Variants in NHLRC3 observed in about 807,000 individuals in gnomAD.
The protein encoded by NHLRC3 is NHL repeat-containing protein 3.
NHLRC3 carries 23 observed loss-of-function variants against 32.0 expected under a neutral mutation model. The observed-to-expected ratio is 0.72, with a 90% CI of 0.52 to 1.02. The LOEUF (loss-of-function observed/expected upper bound fraction) is 1.02, where lower values mean the gene tolerates loss of function less well. Among genes scored for constraint, NHLRC3 ranks in the 50% least tolerant of loss-of-function variants. The pLI, the probability that NHLRC3 is intolerant of heterozygous loss-of-function variation, is 0.00. For missense variants in NHLRC3, 407 were observed against 406.8 expected (o/e 1.00, Z -0.01); for synonymous variants, 159 against 147.9 (o/e 1.08, Z -0.55).
intron 1 of NHLRC3, 43 bp downstream of exon 1, chr13:39,038,766 G>A: frequency 6.6e-7 from 1 of 1,525,548 alleles, no homozygotes; most frequent in Non-Finnish European, 9.1e-7. Context: ...TGTGCGGGTA[G>A]CCCTGTTGGG....
chr13:39,039,648 C>T lies in NHLRC3; in HGVS notation c.322C>T (p.His108Tyr), dbSNP rs780824684. Residue 108 changes from histidine (H) to tyrosine (Y), a missense_variant, in exon 3 of 7, where the codon CAT (histidine) becomes TAT (tyrosine). His to Tyr is a moderately conservative substitution (Grantham distance 83, BLOSUM62 2). Transcript: ENST00000379600. ...RAWNYTVDTPHGIFAASTLYE... is the reference protein window; with the variant it reads ...RAWNYTVDTPYGIFAASTLYE... ...CTGGAATTATACAGTTGACACACCT[C>T]ATGGTATATTTGCAGCCAGTACTCT... The T allele has an allele frequency of 9.9e-6, 16 of 1,612,284 alleles. No homozygotes were observed. The highest frequency in any genetic ancestry group is 1.3e-5 in the African/African-American group (1 of 74,888).
Position 39,039,233 on chromosome 13 carries a change from GAAC to G in NHLRC3, c.187_189del (p.Thr63del), listed in dbSNP as rs1321576580. Reference sequence around the variant, plus strand: ...CCTAAGCACCCAGAATATTTTACCGGAACAACATTTTGTGTTGCAGTTGACTCC... The same window carrying G: ...CCTAAGCACCCAGAATATTTTACCGGAACATTTTGTGTTGCAGTTGACTCC... On this transcript the variant is annotated inframe_deletion, in exon 2 of 7. Coordinates refer to ENST00000379600, the MANE Select transcript of NHLRC3 (RefSeq NM_001012754.4). 2 of 1,613,896 alleles carry G rather than the reference GAAC, an allele frequency of 1.2e-6. No homozygotes were observed. The highest frequency in any genetic ancestry group is 2.2e-5 in the East Asian group (1 of 44,886).
chr13:39,047,727 T>C lies in NHLRC3; in HGVS notation c.845T>C (p.Leu282Pro). ...GTGGCCCAGCTGAATCTTAGCAGGC[T>C]CTCAGTCGTAGCAGCACCCCCAGTG... ...LIVAQLNLSR[L>P]SVVAAPPVGS... Residue 282 changes from leucine (L) to proline (P), a missense_variant, in exon 7 of 7, where the codon CTC becomes CCC. Physicochemically the swap from Leu to Pro is moderately conservative, Grantham distance 98 (BLOSUM62 -3). Transcript: ENST00000379600. The C allele has an allele frequency of 1.9e-6, 3 of 1,613,934 alleles. No homozygotes were observed. Among genetic ancestry groups the C allele is most frequent in the Non-Finnish European group, 2.5e-6 (3 of 1,179,820 alleles).
At chr13:39,047,003 G>T (rs1208241374) in intron 5 of NHLRC3, 37 bp from the exon 6 acceptor site, 4 of 1,224,550 alleles carry the variant, frequency 3.3e-6, no homozygotes, top group Admixed American at 1.8e-5. Flanking sequence ...TTCTTCTCAT[G>T]GATATTTTTC....
intron 3 of NHLRC3, chr13:39,041,665 T>C (rs1361139358): frequency 6.5e-6 from 1 of 154,814 alleles, no homozygotes; most frequent in Middle Eastern, 3.2e-3. Context: ...AGAACGTTTT[T>C]GTTGACTTAC....
chr13:39,048,033 C>A lies in NHLRC3; in HGVS notation c.*107C>A. The A allele has an allele frequency of 1.1e-6, 1 of 917,340 alleles. No individual in the cohort carries two copies. Among genetic ancestry groups the A allele is most frequent in the Non-Finnish European group, 1.6e-6 (1 of 611,048 alleles). The allele number at this position is 917,340 out of a possible 1,614,324, so 56.8% of individuals were successfully genotyped here. ...AATTTATTTTTCTAGTATAAAAGAT[C>A]TAGTATCAGAAAGATTTGTTTTTGT... On this transcript the variant is annotated 3_prime_UTR_variant, in exon 7 of 7. Coordinates refer to ENST00000379600, the MANE Select transcript of NHLRC3 (RefSeq NM_001012754.4).
rs370553701 is a variant in NHLRC3, at chr13:39,044,229, T to TTGTGTGTGTG, written c.678+78_678+87dup. On this transcript the variant is annotated intron_variant, in intron 5 of 6. Coordinates refer to ENST00000379600, the MANE Select transcript of NHLRC3 (RefSeq NM_001012754.4). ...TCTGGGACTTTGTGTCTGAATATGT[T>TTGTGTGTGTG]TGTGTGTGTGTGTGTGTGTGTGTGT... The TTGTGTGTGTG allele has an allele frequency of 1.1e-3, 977 of 859,020 alleles. 8 individuals carry two copies. In the African/African-American group the frequency reaches 0.017, roughly 15 times the overall value. 53.2% of individuals were successfully genotyped at this position (859,020 alleles called of 1,614,324 possible).
At position 39,047,908 on chromosome 13, in the gene NHLRC3, T is replaced by A. The variant is rs200840501; in HGVS notation, c.1026T>A (p.Val342=). 11 of 1,606,900 alleles carry A rather than the reference T, an allele frequency of 6.8e-6. No individual in the cohort carries two copies. Among genetic ancestry groups the A allele is most frequent in the Non-Finnish European group, 9.4e-6 (11 of 1,174,126 alleles). The change falls in exon 7 of 7, where the codon GTT becomes GTA. Residue 342 remains valine, a synonymous_variant. Transcript: ENST00000379600. ...AATATGTCCCTTTGAATAGCTATGT[T>A]CCTTCATTTGGTTCATAATGTTTCT... The part of the protein sequence containing the change: ...VQKYVPLNSY[V]PSFGS
chr13:39,040,204 A>T (rs1021787856), intron 3 of NHLRC3: 6 of 146,384 alleles, frequency 4.1e-5, no homozygotes, highest in Admixed American at 1.3e-4. Context: ...AAAAAAAAAA[A>T]GAAAGAAATT....
chr13:39,045,640 C>T (rs1370788670), intron 5 of NHLRC3, among the ~76,000 whole-genome samples: 2 of 152,202 alleles, frequency 1.3e-5, no homozygotes, highest in Non-Finnish European at 2.9e-5. Flanking sequence ...TGCTAACAAT[C>T]TAAAGTATCA....
At chr13:39,043,952 AGACAG>A (rs752519686) in intron 4 of NHLRC3, 133 bp from the exon 5 acceptor site, 3 of 689,360 alleles carry the variant, frequency 4.4e-6, no homozygotes, top group Non-Finnish European at 7.7e-6. Context: ...ATGGGCATAT[AGACAG>A]GAAAGCCGAG....
At chr13:39,043,775 G>A (rs1476090205) in intron 4 of NHLRC3, among the ~76,000 whole-genome samples, 1 of 152,130 alleles carries the variant, frequency 6.6e-6, no homozygotes, top group Non-Finnish European at 1.5e-5. Flanking sequence ...TCAAGTAACA[G>A]ATAAGTTGGG....
intron 1 of NHLRC3, 58 bp from the exon 2 acceptor site, chr13:39,039,078 C>CAGTTTTT: frequency 9.6e-7 from 1 of 1,038,066 alleles, no homozygotes. Flanking sequence ...CCCCCCCGCC[C>CAGTTTTT]TTTTTTTGTT....
chr13:39,038,818 T>A, intron 1 of NHLRC3, 95 bp downstream of exon 1: 1 of 1,017,956 alleles, frequency 9.8e-7, no homozygotes, highest in Non-Finnish European at 1.6e-6. Context: ...CAGGCCCTGG[T>A]TCCCTCAGTA....
chr13:39,039,178 A>C lies in NHLRC3; in HGVS notation c.127A>C (p.Lys43Gln). The C allele has an allele frequency of 6.2e-7, 1 of 1,613,784 alleles. No individual in the cohort carries two copies. Among genetic ancestry groups the C allele is most frequent in the Non-Finnish European group, 8.5e-7 (1 of 1,179,888 alleles). ...TTTTGCAGTTTCCTGGAGAACTGAG[A>C]AAATTCTTTACCGGCTGGATGTGGG... ...FTFAVSWRTE[K>Q]ILYRLDVGWP... The change falls in exon 2 of 7, where the codon AAA becomes CAA. Residue 43 changes from lysine (K) to glutamine (Q), a missense_variant. Physicochemically the swap from Lys to Gln is moderately conservative, Grantham distance 53 (BLOSUM62 1). Transcript: ENST00000379600.
chr13:39,046,782 T>C (rs1234588019), intron 5 of NHLRC3, among the ~76,000 whole-genome samples: 1 of 152,184 alleles, frequency 6.6e-6, no homozygotes, highest in East Asian at 1.9e-4. Flanking sequence ...TATTCACACA[T>C]TTAGAACAGT....
chr13:39,043,537 C>T (rs1246749410), intron 4 of NHLRC3, among the ~76,000 whole-genome samples: 3 of 152,100 alleles, frequency 2.0e-5, no homozygotes, highest in Non-Finnish European at 4.4e-5. Context: ...CCTTCTTTCT[C>T]TTAATAAGGA....
rs1473197547 is a variant in NHLRC3 at position 39,039,712 on chromosome 13, G to A, written c.385+1G>A. The A allele has an allele frequency of 1.9e-6, 3 of 1,605,924 alleles. No individual in the cohort carries two copies. The Admixed American group carries it at 5.0e-5, about 27-fold the overall frequency. On this transcript the variant is annotated splice_donor_variant, in intron 3 of 6. Coordinates refer to ENST00000379600, the MANE Select transcript of NHLRC3 (RefSeq NM_001012754.4). LOFTEE classifies it high-confidence loss of function. ...GTCTGGATCACGGATGTAGGAAGTG[G>A]TATGTATAGTAATATCTATTAAATT...
intron 4 of NHLRC3, among the ~76,000 whole-genome samples, chr13:39,043,221 TTGAA>T (rs111365373): frequency 0.056 from 8,481 of 152,160 alleles, 713 homozygotes; most frequent in African/African-American, 0.18. Context: ...ATCCAAAAAA[TTGAA>T]TGAAAGAAAC....
Sources: allele counts gnomAD v4.1 joint callset (sites outside exome capture counted in the v4.1 genomes callset), GRCh38; gene constraint gnomAD v4.1.1; transcripts MANE v1.5; gene names NCBI Gene and HGNC (gene_info 2026-07-23, HGNC 2026-07-21).